Variants in NEDD9 observed in about 807,000 individuals in gnomAD.
The protein encoded by NEDD9 is enhancer of filamentation 1.
Under a neutral mutation model 76.6 loss-of-function variants are expected in NEDD9, and 26 were observed. The ratio of observed to expected loss-of-function variants is 0.34; its 90% CI spans 0.25 to 0.47. The LOEUF (loss-of-function observed/expected upper bound fraction) is 0.47, where lower values mean the gene tolerates loss of function less well. NEDD9 is among the 20% of genes least tolerant of loss of function. NEDD9 has a pLI of 1.00. For synonymous variants in NEDD9, 392 were observed against 414.2 expected (o/e 0.95, Z 0.65); for missense variants, 937 against 1,058.5 (o/e 0.89, Z 1.59).
intron 3 of NEDD9, among the ~76,000 whole-genome samples, chr6:11,287,542 ACACACACAG>A (rs984251718): frequency 6.6e-6 from 1 of 152,130 alleles, no homozygotes; most frequent in African/African-American, 2.4e-5. Flanking sequence ...ACACACACAC[ACACACACAG>A]AACACATAAA....
At chr6:11,202,503 T>C (rs1389743911) in intron 2 of NEDD9, among the ~76,000 whole-genome samples, 1 of 152,228 alleles carries the variant, frequency 6.6e-6, no homozygotes, top group Non-Finnish European at 1.5e-5. Context: ...GGATCCAATT[T>C]TCAGAAACTG....
At chr6:11,278,067 T>G (rs1395969379) in intron 3 of NEDD9, among the ~76,000 whole-genome samples, 1 of 152,206 alleles carries the variant, frequency 6.6e-6, no homozygotes, top group Non-Finnish European at 1.5e-5. Flanking sequence ...GCTTCCTCTC[T>G]GCTGCCTCCC....
intron 3 of NEDD9, among the ~76,000 whole-genome samples, chr6:11,274,581 A>T (rs74592925): frequency 0.011 from 1,611 of 152,162 alleles, 27 homozygotes; most frequent in African/African-American, 0.036. Flanking sequence ...AGAGCACTGT[A>T]CTCTCTGTTG....
At chr6:11,283,558 A>C (rs181035116) in intron 3 of NEDD9, among the ~76,000 whole-genome samples, 25 of 152,312 alleles carry the variant, frequency 1.6e-4, no homozygotes, top group Admixed American at 1.4e-3. Context: ...AGCAATAGTC[A>C]CCACATGGAT....
At chr6:11,231,887 A>T (rs1285648485) in intron 1 of NEDD9, among the ~76,000 whole-genome samples, 3 of 152,194 alleles carry the variant, frequency 2.0e-5, no homozygotes, top group Non-Finnish European at 4.4e-5. Context: ...ACCCCATTCA[A>T]ACTCCAATAA....
intron 1 of NEDD9, among the ~76,000 whole-genome samples, chr6:11,351,617 G>A (rs993771761): frequency 6.6e-6 from 1 of 152,122 alleles, no homozygotes; most frequent in South Asian, 2.1e-4. Flanking sequence ...GAAGACACAA[G>A]GACACAGAGG....
intron 3 of NEDD9, among the ~76,000 whole-genome samples, chr6:11,240,626 T>C (rs1759692719): frequency 1.3e-5 from 2 of 152,220 alleles, no homozygotes; most frequent in South Asian, 4.1e-4. Context: ...TTATTATAAC[T>C]TTGGAATACT....
chr6:11,291,267 G>GTTGTTTTTTTTTTTTTTTTTT (rs1760759181), intron 3 of NEDD9, among the ~76,000 whole-genome samples: 1 of 95,824 alleles, frequency 1.0e-5, no homozygotes, highest in African/African-American at 5.0e-5. Context: ...ATAGAATGAG[G>GTTGTTTTTTTTTTTTTTTTTT]TTTTTTTTTT....
intron 1 of NEDD9, among the ~76,000 whole-genome samples, chr6:11,346,775 T>A (rs1762373563): frequency 6.6e-6 from 1 of 152,052 alleles, no homozygotes; most frequent in African/African-American, 2.4e-5. Context: ...AACCCTGAAT[T>A]TGTGCTTAGT....
intron 1 of NEDD9, among the ~76,000 whole-genome samples, chr6:11,377,946 A>G (rs1351693001): frequency 6.6e-6 from 1 of 152,128 alleles, no homozygotes; most frequent in African/African-American, 2.4e-5. Flanking sequence ...AGTTTACATG[A>G]GATCTGGTTG....
Position 11,190,136 on chromosome 6 carries a change from T to C in NEDD9, c.1733A>G (p.Glu578Gly). 3 of 1,613,886 alleles carry C rather than the reference T, an allele frequency of 1.9e-6. No individual in the cohort carries two copies. The highest frequency in any genetic ancestry group is 2.5e-6 in the Non-Finnish European group (3 of 1,179,820). ...TCCCTGGGAGCCACCGTGTGGGTACTCCGTTGAGTTCATGATGCTCTCCGG... is the reference window on the plus strand; with the variant it reads ...TCCCTGGGAGCCACCGTGTGGGTACCCCGTTGAGTTCATGATGCTCTCCGG... The part of the protein sequence containing the change: ...NGPESIMNST[E>G]YPHGGSQGQL... Residue 578 changes from glutamate to glycine, a missense_variant, in exon 5 of 7, where the codon GAG becomes GGG. Coordinates refer to ENST00000379446, the MANE Select transcript of NEDD9 (RefSeq NM_006403.4). This position sits in a 1 kb window ranked among gnomAD's most constrained non-coding sequence, Gnocchi z 5.8.
chr6:11,214,343 A>G, intron 1 of NEDD9: 1 of 379,760 alleles, frequency 2.6e-6, no homozygotes, highest in Non-Finnish European at 5.1e-6. Flanking sequence ...AGCGTGGAGC[A>G]TAGGCCAGCA....
At chr6:11,345,483 T>TGTGC (rs1298365509) in intron 1 of NEDD9, among the ~76,000 whole-genome samples, 1 of 152,084 alleles carries the variant, frequency 6.6e-6, no homozygotes, top group African/African-American at 2.4e-5. Context: ...TGTGTGTGTG[T>TGTGC]GCTACATTTG....
chr6:11,262,633 C>T (rs956021141), intron 3 of NEDD9, among the ~76,000 whole-genome samples: 25 of 152,192 alleles, frequency 1.6e-4, no homozygotes, highest in African/African-American at 6.0e-4. Flanking sequence ...TTCCCTATCC[C>T]AGAATAGGGT....
At chr6:11,301,853 T>C (rs552531079) in intron 3 of NEDD9, among the ~76,000 whole-genome samples, 3 of 152,272 alleles carry the variant, frequency 2.0e-5, no homozygotes, top group African/African-American at 7.2e-5. Context: ...ATCTCTGGGA[T>C]ACATTTAGAG....
intron 3 of NEDD9, among the ~76,000 whole-genome samples, chr6:11,276,513 G>A (rs887688528): frequency 2.6e-5 from 4 of 152,144 alleles, no homozygotes; most frequent in African/African-American, 9.7e-5. Flanking sequence ...CTAGAACAGG[G>A]GTTTGCAGGG....
At chr6:11,371,475 G>T (rs911262293) in intron 1 of NEDD9, among the ~76,000 whole-genome samples, 2 of 152,018 alleles carry the variant, frequency 1.3e-5, no homozygotes, top group African/African-American at 4.8e-5. Flanking sequence ...CTTTTTACTG[G>T]TACCCTAGTT....
chr6:11,373,464 T>C (rs1438076685), intron 1 of NEDD9, among the ~76,000 whole-genome samples: 1 of 152,152 alleles, frequency 6.6e-6, no homozygotes, highest in East Asian at 1.9e-4. Context: ...TTGACTTGAG[T>C]TGTATCTGCA....
chr6:11,210,621 C>A lies in NEDD9; in HGVS notation c.459+2660G>T, dbSNP rs75958570. Reference sequence around the variant, plus strand: ...CCCACCCACTGAGAATATCCTATACCCAGGAAGATGTTGACAGATGTTTTT... The same window carrying A: ...CCCACCCACTGAGAATATCCTATACACAGGAAGATGTTGACAGATGTTTTT... On this transcript the variant is annotated intron_variant, in intron 2 of 6. Coordinates refer to ENST00000379446, the MANE Select transcript of NEDD9 (RefSeq NM_006403.4). Among the ~76,000 whole-genome samples, 148 of 152,058 alleles carry A rather than the reference C, an allele frequency of 9.7e-4. 1 individual carries two copies. The highest frequency in any genetic ancestry group is 3.3e-3 in the African/African-American group (135 of 41,452).
Sources: gnomAD v4.1 joint callset for allele counts (sites outside exome capture counted in the v4.1 genomes callset) on GRCh38, gnomAD v4.1.1 for gene constraint, Gnocchi (gnomAD v3.1) non-coding constraint, MANE v1.5 for transcripts, NCBI Gene and HGNC (gene_info 2026-07-23, HGNC 2026-07-21) for gene names.